Variants in IFRD1 observed in about 807,000 individuals in gnomAD.
IFRD1 encodes interferon related developmental regulator 1.
In IFRD1, 35 loss-of-function variants were observed where a neutral mutation model predicts 52.9. The ratio of observed to expected loss-of-function variants is 0.66; its 90% CI spans 0.51 to 0.88. IFRD1 has a LOEUF of 0.88. Ranked by LOEUF, IFRD1 falls within the 40% of genes least tolerant of loss-of-function variation. The probability of loss-of-function intolerance (pLI) is 0.00; values close to 1 mark genes in which losing one functional copy is unlikely to be tolerated. For synonymous variants in IFRD1, 184 were observed against 188.4 expected (o/e 0.98, Z 0.19); for missense variants, 517 against 550.8 (o/e 0.94, Z 0.61).
chr7:112,443,594 G>T (rs879361793), intron 1 of IFRD1, among the ~76,000 whole-genome samples: 1 of 151,856 alleles, frequency 6.6e-6, no homozygotes, highest in Non-Finnish European at 1.5e-5. Flanking sequence ...AAAAACGGCC[G>T]AGTGTGGTGG....
In IFRD1 at chr7:112,472,273, G is replaced by A. The variant is rs1795769761; in HGVS notation, c.1096G>A (p.Asp366Asn). 6.2e-7 allele frequency: 1 copy of A among 1,613,876 alleles called. No homozygotes were observed. The highest frequency in any genetic ancestry group is 8.5e-7 in the Non-Finnish European group (1 of 1,179,912). Residue 366 changes from aspartate to asparagine, a missense_variant, in exon 10 of 12, where the codon GAT (aspartate) becomes AAT (asparagine). Asp to Asn is a conservative substitution (Grantham distance 23). Coordinates refer to ENST00000403825, the MANE Select transcript of IFRD1 (RefSeq NM_001550.4). ...IKFGPERMYI[D>N]CWVKKHTYDT... ...ATTTGGTCCTGAACGCATGTATATT[G>A]ATTGCTGGGTAAAAAAACACACCTA...
intron 4 of IFRD1, among the ~76,000 whole-genome samples, chr7:112,458,545 A>G (rs1411966064): frequency 6.6e-6 from 1 of 152,222 alleles, no homozygotes; most frequent in Admixed American, 6.5e-5. Context: ...CTTGAAACAC[A>G]TTTAGTTGAA....
Position 112,467,962 on chromosome 7 carries a change from A to C in IFRD1, c.907-19A>C. The C allele has an allele frequency of 6.2e-7, 1 of 1,612,222 alleles. No individual in the cohort carries two copies. Among genetic ancestry groups the C allele is most frequent in the Non-Finnish European group, 8.5e-7 (1 of 1,178,406 alleles). On this transcript the variant is annotated intron_variant, in intron 8 of 11. Transcript: ENST00000403825. ...AGAAAAATAATAATAAAGGAAACAA[A>C]ATTGCTTTTCTTGTCCAGGACTTTT...
intron 8 of IFRD1, among the ~76,000 whole-genome samples, chr7:112,467,148 G>A (rs909550241): frequency 1.3e-5 from 2 of 152,146 alleles, no homozygotes; most frequent in Non-Finnish European, 2.9e-5. Context: ...TAGAAGAGCT[G>A]TTATATTAAT....
chr7:112,425,925 G>T (rs111811358), intron 1 of IFRD1, among the ~76,000 whole-genome samples: 4 of 152,106 alleles, frequency 2.6e-5, no homozygotes, highest in Non-Finnish European at 5.9e-5. Flanking sequence ...CTTGTTCGCT[G>T]CCCAAAAACT....
chr7:112,459,592 C>T (rs1795381180), intron 5 of IFRD1, among the ~76,000 whole-genome samples: 1 of 152,072 alleles, frequency 6.6e-6, no homozygotes, highest in Non-Finnish European at 1.5e-5. Flanking sequence ...TATCCAAATC[C>T]AGCTTCCTTG....
upstream of IFRD1, among the ~76,000 whole-genome samples, chr7:112,445,508 T>C (rs995217981): frequency 6.6e-6 from 1 of 152,232 alleles, no homozygotes; most frequent in African/African-American, 2.4e-5. Flanking sequence ...AAGAATTACA[T>C]GAGAGGTGTG....
At chr7:112,474,217 A>G (rs1795835177) in intron 11 of IFRD1, among the ~76,000 whole-genome samples, 1 of 152,222 alleles carries the variant, frequency 6.6e-6, no homozygotes, top group Non-Finnish European at 1.5e-5. Flanking sequence ...ACATTCACAT[A>G]CAAAATTTTT....
intron 10 of IFRD1, 21 bp downstream of exon 10, chr7:112,472,368 A>G (rs760008606): frequency 1.2e-6 from 2 of 1,613,778 alleles, no homozygotes; most frequent in South Asian, 2.2e-5. Context: ...TCCTTTCTAC[A>G]TATTTGCTTT....
intron 1 of IFRD1, among the ~76,000 whole-genome samples, chr7:112,454,002 G>C (rs1795227454): frequency 6.6e-6 from 1 of 152,118 alleles, no homozygotes; most frequent in African/African-American, 2.4e-5. Context: ...TTAATCAGGT[G>C]ACTCACGGTC....
Position 112,456,087 on chromosome 7 carries a change from G to A in IFRD1, c.284+1G>A, listed in dbSNP as rs1795285440. ...TAATTGACCTAACCCTGGATAAGAG[G>A]TAGGCAATACTGGAAACTCCATTCT... On this transcript the variant is annotated splice_donor_variant, in intron 3 of 11. Coordinates refer to ENST00000403825, the MANE Select transcript of IFRD1 (RefSeq NM_001550.4). LOFTEE classifies it high-confidence loss of function. The A allele has an allele frequency of 6.4e-7, 1 of 1,558,964 alleles. No homozygotes were observed. Among genetic ancestry groups the A allele is most frequent in the Non-Finnish European group, 8.9e-7 (1 of 1,129,858 alleles).
At chr7:112,455,955 GT>G in intron 2 of IFRD1, 46 bp from the exon 3 acceptor site, 3 of 1,464,860 alleles carry the variant, frequency 2.0e-6, no homozygotes, top group Non-Finnish European at 1.9e-6. Flanking sequence ...ATTATTCCCT[GT>G]TTTTTTTCTT....
In IFRD1 at chr7:112,462,105, T is replaced by C. The variant is rs766444597; in HGVS notation, c.723T>C (p.His241=). ...VICSTPNTVL[H]ISSLLAWTLL... is the part of the protein sequence containing the mutation. The stretch of plus-strand genomic sequence containing the variant: ...GCAGCACTCCTAATACAGTGCTTCA[T>C]ATCAGCTCTCTTCTTGCATGGACAC... Residue 241 remains histidine (H), a synonymous_variant, in exon 7 of 12, where the codon CAT becomes CAC. Coordinates refer to ENST00000403825, the MANE Select transcript of IFRD1 (RefSeq NM_001550.4). The C allele has an allele frequency of 6.2e-7, 1 of 1,613,596 alleles. No individual in the cohort carries two copies. Among genetic ancestry groups the C allele is most frequent in the Non-Finnish European group, 8.5e-7 (1 of 1,179,608 alleles).
chr7:112,470,573 AC>A (rs2117331825), intron 9 of IFRD1, among the ~76,000 whole-genome samples: 1 of 152,304 alleles, frequency 6.6e-6, no homozygotes, highest in South Asian at 2.1e-4. Context: ...TGTTCTAGAT[AC>A]TAGAGACAAT....
At chr7:112,447,849 A>G (rs1795063873), upstream of IFRD1, among the ~76,000 whole-genome samples, 1 of 152,202 alleles carries the variant, frequency 6.6e-6, no homozygotes, top group Non-Finnish European at 1.5e-5. Flanking sequence ...AATTTTATCA[A>G]AAGTACAGTA....
intron 1 of IFRD1, among the ~76,000 whole-genome samples, chr7:112,439,010 A>G (rs1354617654): frequency 6.6e-6 from 1 of 152,218 alleles, no homozygotes; most frequent in East Asian, 1.9e-4. Flanking sequence ...ACAGTAACAA[A>G]CAACCCTATT....
chr7:112,439,692 G>T (rs1164072583), intron 1 of IFRD1, among the ~76,000 whole-genome samples: 1 of 152,050 alleles, frequency 6.6e-6, no homozygotes, highest in Admixed American at 6.5e-5. Context: ...ATTTCTCTTG[G>T]GAAGGAGAAA....
intron 8 of IFRD1, among the ~76,000 whole-genome samples, chr7:112,464,341 CTG>C (rs897782141): frequency 1.3e-5 from 2 of 151,994 alleles, no homozygotes; most frequent in African/African-American, 4.8e-5. Context: ...TAATAATAAA[CTG>C]TGTTCAAAGT....
intron 11 of IFRD1, 124 bp downstream of exon 11, chr7:112,472,985 A>C: frequency 1.4e-6 from 1 of 716,340 alleles, no homozygotes; most frequent in African/African-American, 1.8e-5. Flanking sequence ...CTTCACATAG[A>C]ATAGCTGTAC....
Sources: allele counts gnomAD v4.1 joint callset (sites outside exome capture counted in the v4.1 genomes callset), GRCh38; gene constraint gnomAD v4.1.1; transcripts MANE v1.5; gene names NCBI Gene and HGNC (gene_info 2026-07-23, HGNC 2026-07-21).